The following ARHGAP6 variants were observed in gnomAD, a reference collection of about 807,000 sequenced individuals.
ARHGAP6 encodes rho GTPase-activating protein 6.
Under a neutral mutation model 55.7 loss-of-function variants are expected in ARHGAP6, and 16 were observed. The observed-to-expected ratio is 0.29, with a 90% CI of 0.19 to 0.44. The LOEUF is 0.44. ARHGAP6 is among the 20% of genes least tolerant of loss of function. The pLI is 1.00. For synonymous variants in ARHGAP6, 382 were observed against 360.9 expected, an observed-to-expected ratio of 1.06 and a Z score of -0.66; for missense variants, 698 against 808.9, an observed-to-expected ratio of 0.86 and a Z score of 1.66.
intron 1 of ARHGAP6, among the ~76,000 whole-genome samples, chrX:11,554,153 A>G (rs1245151975): frequency 1.8e-5 from 2 of 112,244 alleles, no homozygotes; most frequent in East Asian, 5.6e-4. Context: ...TAACATGGAT[A>G]TAACTGGAGG....
Position 11,139,313 on chromosome X carries a change from C to T in ARHGAP6, c.2475G>A (p.Gln825=). 8.4e-7 allele frequency: 1 copy of T among 1,184,590 alleles called. No homozygotes were observed. Among genetic ancestry groups the T allele is most frequent in the Non-Finnish European group, 1.1e-6 (1 of 882,730 alleles). ...TGGGCCGCTCGGCTTTCCCTGCCAC[C>T]TGGACGTGGGGCGTGCTGCAGGCGC... is the stretch of plus-strand genomic sequence containing the variant. ...VSRACSTPHV[Q]VAGKAERPTA... is the part of the protein sequence containing the mutation. Residue 825 remains glutamine, a synonymous_variant, in exon 13 of 13, where the codon CAG becomes CAA. Coordinates refer to ENST00000337414, the MANE Select transcript of ARHGAP6 (RefSeq NM_013427.3).
At chrX:11,254,807 C>T (rs2047472556) in intron 1 of ARHGAP6, 100 bp from the exon 2 acceptor site, 2 of 995,932 alleles carry the variant, frequency 2.0e-6, no homozygotes, top group Non-Finnish European at 2.6e-6. Flanking sequence ...TCAAGCAAAC[C>T]ACCTTTGTGT....
chrX:11,389,668 GA>G (rs1242484669), intron 1 of ARHGAP6, among the ~76,000 whole-genome samples: 2 of 112,002 alleles, frequency 1.8e-5, no homozygotes, highest in Non-Finnish European at 1.9e-5. Flanking sequence ...ATTTGTAGGG[GA>G]AAAAAAGGCT....
chrX:11,189,102 T>A, intron 3 of ARHGAP6, 118 bp from the exon 4 acceptor site: 1 of 886,564 alleles, frequency 1.1e-6, no homozygotes, highest in Admixed American at 3.6e-5. Context: ...TCTGAAGAAT[T>A]GACTCATCAA....
At chrX:11,316,722 C>T (rs891439054) in intron 1 of ARHGAP6, among the ~76,000 whole-genome samples, 5 of 112,215 alleles carry the variant, frequency 4.5e-5, no homozygotes, top group African/African-American at 1.6e-4. Flanking sequence ...CAGCCCCACC[C>T]CCAGGTTCTG....
In ARHGAP6 at chrX:11,332,042, A is replaced by G. The variant is rs907475979; in HGVS notation, c.589-77335T>C. Among the ~76,000 whole-genome samples, 7 of 111,989 alleles carry G rather than the reference A, an allele frequency of 6.3e-5. No individual in the cohort carries two copies. In the East Asian group the frequency reaches 2.0e-3, roughly 31 times the overall value. On this transcript the variant is annotated intron_variant, in intron 1 of 12. Transcript: ENST00000337414. The stretch of plus-strand genomic sequence containing the variant: ...AAGGCTATTTTCAAATGATACGTTT[A>G]CCTCCTCACACTAATCTATTCATTT...
intron 2 of ARHGAP6, among the ~76,000 whole-genome samples, chrX:11,243,294 A>G (rs1479704677): frequency 2.7e-5 from 3 of 110,578 alleles, no homozygotes; most frequent in Non-Finnish European, 3.8e-5. Context: ...CCTCCATGCA[A>G]CTCATCCTGG....
chrX:11,428,976 C>A (rs752463989), intron 1 of ARHGAP6, among the ~76,000 whole-genome samples: 4 of 111,342 alleles, frequency 3.6e-5, no homozygotes, highest in African/African-American at 1.3e-4. Context: ...AATTCCACCC[C>A]TAGATATACA....
chrX:11,595,792 A>G (rs1027963919), intron 1 of ARHGAP6, among the ~76,000 whole-genome samples: 1 of 112,428 alleles, frequency 8.9e-6, no homozygotes, highest in Non-Finnish European at 1.9e-5. Flanking sequence ...AAAAGAAGAC[A>G]TTTATGCAGC....
At chrX:11,346,370 C>G (rs5935017) in intron 1 of ARHGAP6, among the ~76,000 whole-genome samples, 1 of 111,635 alleles carries the variant, frequency 9.0e-6, no homozygotes, top group Non-Finnish European at 1.9e-5. Flanking sequence ...CCTCAAAAGC[C>G]TGAAATACTT....
chrX:11,539,569 C>T (rs1467311080), intron 1 of ARHGAP6, among the ~76,000 whole-genome samples: 2 of 111,888 alleles, frequency 1.8e-5, no homozygotes, highest in Non-Finnish European at 3.8e-5. Flanking sequence ...CTCAGACACT[C>T]GAGAGTAAAC....
rs778391069 is a variant in ARHGAP6, at chrX:11,553,012, G to A, written c.588+111229C>T. 1.9e-4 allele frequency among the ~76,000 whole-genome samples: 21 copies of A among 110,937 alleles called. No individual in the cohort carries two copies. The South Asian group carries it at 3.5e-3, about 18-fold the overall frequency. On this transcript the variant is annotated intron_variant, in intron 1 of 12. Coordinates refer to ENST00000337414, the MANE Select transcript of ARHGAP6 (RefSeq NM_013427.3). ...AAACAAGATAAGTATGTGAGGTAAT[G>A]CATATGTTAATTAGCTTGATTTAGT...
chrX:11,443,719 G>A, intron 1 of ARHGAP6, among the ~76,000 whole-genome samples: 1 of 111,979 alleles, frequency 8.9e-6, no homozygotes, highest in East Asian at 2.8e-4. Context: ...ACGAGGTCAG[G>A]AGATCGAGAC....
intron 1 of ARHGAP6, among the ~76,000 whole-genome samples, chrX:11,387,964 T>C (rs1228827077): frequency 8.9e-6 from 1 of 112,239 alleles, no homozygotes; most frequent in Non-Finnish European, 1.9e-5. Flanking sequence ...TGTTGGACAT[T>C]TGGGTTGGTT....
intron 1 of ARHGAP6, among the ~76,000 whole-genome samples, chrX:11,384,517 T>A (rs1448561311): frequency 2.7e-5 from 3 of 112,343 alleles, no homozygotes; most frequent in African/African-American, 9.7e-5. Flanking sequence ...CCCCCAGGAA[T>A]ATTTACTGGA....
chrX:11,160,936 T>C (rs2045934444), intron 9 of ARHGAP6, among the ~76,000 whole-genome samples: 2 of 112,533 alleles, frequency 1.8e-5, no homozygotes, highest in Non-Finnish European at 3.8e-5. Context: ...GCAAATAATA[T>C]TTTCCTATGT....
intron 1 of ARHGAP6, among the ~76,000 whole-genome samples, chrX:11,656,274 C>T (rs922528155): frequency 8.9e-6 from 1 of 112,366 alleles, no homozygotes; most frequent in South Asian, 3.7e-4. Flanking sequence ...CATTCCTTCT[C>T]GCAGGAGCTC....
chrX:11,631,053 T>C (rs1037556652), intron 1 of ARHGAP6, among the ~76,000 whole-genome samples: 3 of 110,941 alleles, frequency 2.7e-5, no homozygotes, highest in Non-Finnish European at 5.7e-5. Context: ...ATTGTCTCTA[T>C]GCCAAAGGAC....
At chrX:11,481,605 T>C (rs960168779) in intron 1 of ARHGAP6, among the ~76,000 whole-genome samples, 1 of 112,719 alleles carries the variant, frequency 8.9e-6, no homozygotes, top group African/African-American at 3.2e-5. Context: ...CCAAGTACAG[T>C]GGCCAAATAA....
Sources: gnomAD v4.1 joint callset for allele counts (sites outside exome capture counted in the v4.1 genomes callset) on GRCh38, gnomAD v4.1.1 for gene constraint, MANE v1.5 for transcripts, NCBI Gene and HGNC (gene_info 2026-07-23, HGNC 2026-07-21) for gene names.